Variants in MICU1 observed in about 807,000 individuals in gnomAD.
The protein encoded by MICU1 is calcium uptake protein 1, mitochondrial.
MICU1 carries 45 observed loss-of-function variants against 56.8 expected under a neutral mutation model. The observed-to-expected ratio is 0.79, with a 90% CI of 0.62 to 1.02. The LOEUF (loss-of-function observed/expected upper bound fraction) is 1.02, where lower values mean the gene tolerates loss of function less well. Ranked by LOEUF, MICU1 falls within the 50% of genes least tolerant of loss-of-function variation. The probability of loss-of-function intolerance (pLI) is 0.00; values close to 1 mark genes in which losing one functional copy is unlikely to be tolerated. For missense variants in MICU1, 504 were observed against 587.1 expected, an observed-to-expected ratio of 0.86 and a Z score of 1.46; for synonymous variants, 186 against 195.1, an observed-to-expected ratio of 0.95 and a Z score of 0.39.
intron 10 of MICU1, among the ~76,000 whole-genome samples, chr10:72,406,127 T>C (rs2132099837): frequency 6.6e-6 from 1 of 152,156 alleles, no homozygotes; most frequent in East Asian, 1.9e-4. Context: ...AATAAGTGAA[T>C]TTAGCAAAAT....
intron 10 of MICU1, among the ~76,000 whole-genome samples, chr10:72,403,300 G>C (rs746784047): frequency 2.0e-5 from 3 of 152,010 alleles, no homozygotes; most frequent in African/African-American, 4.8e-5. Flanking sequence ...GGGGGTTGCA[G>C]TGAGCCGAGA....
intron 9 of MICU1, among the ~76,000 whole-genome samples, chr10:72,418,851 C>G (rs1259417386): frequency 2.0e-5 from 3 of 152,216 alleles, no homozygotes; most frequent in African/African-American, 7.2e-5. Context: ...TTCCTTGACA[C>G]TCACTTTAGT....
chr10:72,601,862 T>C (rs917487462), intron 1 of MICU1, among the ~76,000 whole-genome samples: 13 of 151,462 alleles, frequency 8.6e-5, no homozygotes, highest in Admixed American at 4.0e-4. Flanking sequence ...TGCAGTAGCA[T>C]GATCTCAGCT....
intron 1 of MICU1, among the ~76,000 whole-genome samples, chr10:72,603,497 T>C (rs1841600274): frequency 6.6e-6 from 1 of 152,044 alleles, no homozygotes; most frequent in African/African-American, 2.4e-5. Flanking sequence ...TTTTATACTT[T>C]TTAGGGAGAC....
intron 10 of MICU1, among the ~76,000 whole-genome samples, chr10:72,398,298 G>C (rs956830388): frequency 6.6e-6 from 1 of 152,176 alleles, no homozygotes; most frequent in Non-Finnish European, 1.5e-5. Flanking sequence ...GCAGTGTATA[G>C]AGGGAAATTT....
At chr10:72,420,860 G>A (rs947039278) in intron 9 of MICU1, among the ~76,000 whole-genome samples, 1 of 151,368 alleles carries the variant, frequency 6.6e-6, no homozygotes, top group African/African-American at 2.4e-5. Context: ...ATTTTTTGTG[G>A]AGACAAGGTT....
chr10:72,493,784 G>A (rs1004029209), intron 6 of MICU1, among the ~76,000 whole-genome samples: 4 of 152,042 alleles, frequency 2.6e-5, no homozygotes, highest in Admixed American at 6.6e-5. Flanking sequence ...TTTTTTGACC[G>A]TCAACATCAT....
intron 9 of MICU1, among the ~76,000 whole-genome samples, chr10:72,418,335 A>T (rs1864051075): frequency 6.6e-6 from 1 of 152,174 alleles, no homozygotes; most frequent in Non-Finnish European, 1.5e-5. Flanking sequence ...AATTGATTTG[A>T]AGAGGGCCCA....
chr10:72,377,152 C>T (rs558137964), intron 10 of MICU1, among the ~76,000 whole-genome samples: 51 of 151,838 alleles, frequency 3.4e-4, no homozygotes, highest in African/African-American at 1.2e-3. Flanking sequence ...CAGAGTCTTA[C>T]TCTGTCCGCC....
At chr10:72,535,838 G>A (rs1201696684) in intron 4 of MICU1, among the ~76,000 whole-genome samples, 1 of 152,138 alleles carries the variant, frequency 6.6e-6, no homozygotes, top group African/African-American at 2.4e-5. Flanking sequence ...CAAGTCACAT[G>A]TGTAATTTAA....
At chr10:72,402,581 C>A (rs1321058167) in intron 10 of MICU1, among the ~76,000 whole-genome samples, 1 of 151,320 alleles carries the variant, frequency 6.6e-6, no homozygotes, top group Non-Finnish European at 1.5e-5. Context: ...AAACAAAAAA[C>A]AAAAAAACAA....
intron 4 of MICU1, among the ~76,000 whole-genome samples, chr10:72,537,327 C>T (rs1839662561): frequency 6.6e-6 from 1 of 152,248 alleles, no homozygotes; most frequent in East Asian, 1.9e-4. Flanking sequence ...CCTAACTACT[C>T]CTCTAGAAAA....
intron 1 of MICU1, among the ~76,000 whole-genome samples, chr10:72,594,618 G>A (rs1283088300): frequency 6.6e-6 from 1 of 152,096 alleles, no homozygotes; most frequent in Non-Finnish European, 1.5e-5. Context: ...TAAAAAGATA[G>A]CCAGGTGTGG....
chr10:72,547,197 C>A (rs1460899798), intron 4 of MICU1, among the ~76,000 whole-genome samples: 1 of 151,726 alleles, frequency 6.6e-6, no homozygotes, highest in African/African-American at 2.4e-5. Context: ...CCGGCCTCTG[C>A]TAATTTTTTT....
At chr10:72,513,057 G>T (rs1426349917) in intron 5 of MICU1, among the ~76,000 whole-genome samples, 3 of 152,054 alleles carry the variant, frequency 2.0e-5, no homozygotes, top group African/African-American at 7.2e-5. Flanking sequence ...AGGATGAAAT[G>T]CAGTGGCACA....
At chr10:72,383,245 CA>C (rs56293812) in intron 10 of MICU1, among the ~76,000 whole-genome samples, 1,945 of 119,040 alleles carry the variant, frequency 0.016, 21 homozygotes, top group Admixed American at 0.024. Flanking sequence ...GACCCTGTCT[CA>C]AAAAAAAAAA....
At chr10:72,495,957 GTCA>G (rs1307754295) in intron 6 of MICU1, among the ~76,000 whole-genome samples, 1 of 151,678 alleles carries the variant, frequency 6.6e-6, no homozygotes, top group East Asian at 1.9e-4. Flanking sequence ...TTCATACTAA[GTCA>G]TCATTTGGAA....
chr10:72,462,219 CTTT>C (rs1187394084), intron 8 of MICU1, among the ~76,000 whole-genome samples: 15 of 138,812 alleles, frequency 1.1e-4, no homozygotes, highest in Non-Finnish European at 9.5e-5. Flanking sequence ...CTTTTCTTTT[CTTT>C]TTTTTTTTTT....
At chr10:72,403,670 T>TGTGTGTGTGTG (rs1554862082) in intron 10 of MICU1, among the ~76,000 whole-genome samples, 8 of 149,584 alleles carry the variant, frequency 5.3e-5, no homozygotes, top group South Asian at 2.1e-4. Flanking sequence ...TGTGTGTGTG[T>TGTGTGTGTGTG]TTTGAGACGG....
Sources: allele counts gnomAD v4.1 joint callset (sites outside exome capture counted in the v4.1 genomes callset), GRCh38; gene constraint gnomAD v4.1.1; transcripts MANE v1.5; gene names NCBI Gene and HGNC (gene_info 2026-07-23, HGNC 2026-07-21).